The following GAS2 variants were observed in gnomAD, a reference collection of about 807,000 sequenced individuals.
GAS2 encodes the protein growth arrest-specific protein 2.
GAS2 carries 20 observed loss-of-function variants against 37.5 expected under a neutral mutation model. The ratio of observed to expected loss-of-function variants is 0.53; its 90% CI spans 0.37 to 0.77. The LOEUF is 0.77. GAS2 is among the 30% of genes least tolerant of loss of function. The pLI is 0.00. For synonymous variants in GAS2, 144 were observed against 132.2 expected, an observed-to-expected ratio of 1.09 and a Z score of -0.61; for missense variants, 336 against 373.4, an observed-to-expected ratio of 0.90 and a Z score of 0.82.
chr11:22,696,212 G>A (rs1009473164), intron 3 of GAS2, among the ~76,000 whole-genome samples: 9 of 150,988 alleles, frequency 6.0e-5, no homozygotes, highest in South Asian at 2.1e-4. Flanking sequence ...TTGTCCTTGC[G>A]ATAGTTTACT....
chr11:22,728,203 C>T (rs1215922432), intron 4 of GAS2, among the ~76,000 whole-genome samples: 1 of 151,808 alleles, frequency 6.6e-6, no homozygotes, highest in Non-Finnish European at 1.5e-5. Flanking sequence ...TCTCATTGTC[C>T]ATGACTTCTT....
chr11:22,678,401 A>G (rs1351970025), intron 2 of GAS2, among the ~76,000 whole-genome samples: 11 of 152,128 alleles, frequency 7.2e-5, no homozygotes, highest in Admixed American at 7.2e-4. Context: ...CTTCAGAAAT[A>G]TTTGTAGATT....
intron 1 of GAS2, 101 bp downstream of exon 1, chr11:22,667,000 G>C (rs377385339): frequency 6.6e-6 from 1 of 152,310 alleles, no homozygotes; most frequent in African/African-American, 2.4e-5. Context: ...ACTGCACCCG[G>C]GGCGGCGGGG....
At chr11:22,729,917 A>G (rs1852394626) in intron 4 of GAS2, among the ~76,000 whole-genome samples, 1 of 151,840 alleles carries the variant, frequency 6.6e-6, no homozygotes, top group African/African-American at 2.4e-5. Flanking sequence ...AGACCTCAGA[A>G]GTATTTATAC....
rs182902118 is a variant in GAS2, at chr11:22,769,897, A to G, written c.723+13944A>G. 4.3e-3 allele frequency among the ~76,000 whole-genome samples: 651 copies of G among 152,328 alleles called. 3 individuals carry two copies. Among genetic ancestry groups the G allele is most frequent in the Middle Eastern group, 0.017 (5 of 294 alleles). ...ATGTAACTTTCTGAGGGTAAATATT[A>G]GGTTGGTGCAAAAGTAATTGCGGTT... On this transcript the variant is annotated intron_variant, in intron 7 of 7. Transcript: ENST00000454584.
chr11:22,633,726 C>A (rs1565059128), intron 1 of GAS2, among the ~76,000 whole-genome samples: 1 of 152,166 alleles, frequency 6.6e-6, no homozygotes. Flanking sequence ...GTTCCCCAAC[C>A]AGGCCAGCAG....
chr11:22,697,506 T>A (rs1455305592), intron 3 of GAS2, among the ~76,000 whole-genome samples: 2 of 152,214 alleles, frequency 1.3e-5, no homozygotes, highest in East Asian at 3.9e-4. Context: ...TTGATGGGGA[T>A]GGCATTGAAT....
intron 1 of GAS2, among the ~76,000 whole-genome samples, chr11:22,673,918 T>C (rs1849305447): frequency 6.6e-6 from 1 of 152,230 alleles, no homozygotes; most frequent in African/African-American, 2.4e-5. Flanking sequence ...CTAAAGATAC[T>C]TTCAAACAAA....
intron 1 of GAS2, among the ~76,000 whole-genome samples, chr11:22,655,902 G>C (rs1426751466): frequency 6.6e-6 from 1 of 152,172 alleles, no homozygotes; most frequent in Non-Finnish European, 1.5e-5. Context: ...AAATAGTTCT[G>C]AGGAAGAATG....
chr11:22,654,069 C>G (rs1848828789), intron 1 of GAS2, among the ~76,000 whole-genome samples: 1 of 152,182 alleles, frequency 6.6e-6, no homozygotes, highest in Non-Finnish European at 1.5e-5. Flanking sequence ...CACCTGATGC[C>G]CCAGGCACTG....
chr11:22,760,392 A>G (rs1027055727), intron 7 of GAS2, among the ~76,000 whole-genome samples: 4 of 151,908 alleles, frequency 2.6e-5, no homozygotes, highest in African/African-American at 9.7e-5. Context: ...TAAATCAGAA[A>G]CTCTGAGGGT....
chr11:22,725,447 G>A (rs978017818), intron 3 of GAS2, among the ~76,000 whole-genome samples: 3 of 152,094 alleles, frequency 2.0e-5, no homozygotes, highest in Admixed American at 2.0e-4. Flanking sequence ...TTATATTTTT[G>A]ATAGAATATC....
At chr11:22,688,705 T>G (rs1160674557) in intron 3 of GAS2, among the ~76,000 whole-genome samples, 3 of 152,164 alleles carry the variant, frequency 2.0e-5, no homozygotes, top group African/African-American at 4.8e-5. Flanking sequence ...CCTGAGCAAA[T>G]TTTTAACTGA....
In GAS2 at chr11:22,627,358, G is replaced by C. The variant is rs116460490; in HGVS notation, c.-21+1545G>C. ...ATGCAGTCCTAGCATGAGTGGAGAA[G>C]TTCATCTTGTACCATTTAAGAGAGA... On this transcript the variant is annotated intron_variant, in intron 1 of 5. Transcript: ENST00000528582. Among the ~76,000 whole-genome samples, 1,090 of 152,300 alleles carry C rather than the reference G, an allele frequency of 7.2e-3. 10 individuals are homozygous for C. The highest frequency in any genetic ancestry group is 0.025 in the African/African-American group (1,029 of 41,550).
At chr11:22,701,612 T>C (rs1483173979) in intron 3 of GAS2, among the ~76,000 whole-genome samples, 5 of 152,146 alleles carry the variant, frequency 3.3e-5, no homozygotes, top group Non-Finnish European at 5.9e-5. Flanking sequence ...GTGGACCACC[T>C]GAGTTCAGGA....
chr11:22,670,213 C>T (rs1200630136), intron 1 of GAS2, among the ~76,000 whole-genome samples: 1 of 152,124 alleles, frequency 6.6e-6, no homozygotes, highest in Middle Eastern at 3.2e-3. Context: ...AACAATGCTG[C>T]AGATGACAGC....
At chr11:22,746,364 T>C (rs528457359) in intron 5 of GAS2, among the ~76,000 whole-genome samples, 1 of 152,288 alleles carries the variant, frequency 6.6e-6, no homozygotes, top group South Asian at 2.1e-4. Flanking sequence ...ACTAGGTATA[T>C]ACCCAAAGGA....
chr11:22,652,512 T>C (rs546744027), intron 1 of GAS2, among the ~76,000 whole-genome samples: 105 of 152,310 alleles, frequency 6.9e-4, no homozygotes, highest in Non-Finnish European at 1.2e-3. Context: ...GGGCGCCCCT[T>C]CCCCAGCCTG....
In GAS2 at chr11:22,749,162, G is replaced by A; in HGVS notation, c.516G>A (p.Glu172=). The A allele has an allele frequency of 6.2e-7, 1 of 1,612,598 alleles. No homozygotes were observed. Among genetic ancestry groups the A allele is most frequent in the East Asian group, 2.2e-5 (1 of 44,776 alleles). Reference sequence around the variant, plus strand: ...CTGGTTTGATAAAGCTGGAAAAAGAGATTGAACAAGAAGAAACACTTTCTG... The same window carrying A: ...CTGGTTTGATAAAGCTGGAAAAAGAAATTGAACAAGAAGAAACACTTTCTG... ...EPPGLIKLEK[E]IEQEETLSAP... is the part of the protein sequence containing the mutation. Residue 172 remains glutamate, a synonymous_variant, in exon 6 of 8, where the codon GAG becomes GAA. Transcript: ENST00000454584.
Sources: gnomAD v4.1 joint callset for allele counts (sites outside exome capture counted in the v4.1 genomes callset) on GRCh38, gnomAD v4.1.1 for gene constraint, MANE v1.5 for transcripts, NCBI Gene and HGNC (gene_info 2026-07-23, HGNC 2026-07-21) for gene names.